The following SLC6A3 variants were observed in gnomAD, a reference collection of about 807,000 sequenced individuals.
The protein encoded by SLC6A3 is solute carrier family 6 member 3.
SLC6A3 carries 19 observed loss-of-function variants against 70.4 expected under a neutral mutation model. The ratio of observed to expected loss-of-function variants is 0.27; its 90% CI spans 0.19 to 0.40. SLC6A3 has a LOEUF of 0.40. SLC6A3 is among the 10% of genes least tolerant of loss of function. The pLI, the probability that SLC6A3 is intolerant of heterozygous loss-of-function variation, is 1.00. For synonymous variants in SLC6A3, 368 were observed against 356.6 expected (o/e 1.03, Z -0.36); for missense variants, 613 against 838.5 (o/e 0.73, Z 3.32).
Position 1,397,668 on chromosome 5 carries a change from C to T in SLC6A3, c.1840-2910G>A, listed in dbSNP as rs557335172. ...AGCCCTGAGCCCACAACAGTGCTTT[C>T]GTGAATGAGAGCAGCATAAAGATGT... On this transcript the variant is annotated intron_variant, in intron 14 of 14. Coordinates refer to ENST00000270349, the MANE Select transcript of SLC6A3 (RefSeq NM_001044.5). This position sits in a 1 kb window ranked among gnomAD's most constrained non-coding sequence, Gnocchi z 4.7. Among the ~76,000 whole-genome samples the T allele has an allele frequency of 4.6e-5, 7 of 152,254 alleles. No individual in the cohort carries two copies. The highest frequency in any genetic ancestry group is 2.1e-4 in the South Asian group (1 of 4,826).
rs28363138 is a variant in SLC6A3 at position 1,402,290 on chromosome 5, G to A, written c.1767+632C>T. ...ACCACAGAGCCAGGGTGTTAAACAG[G>A]GCCCTGTGACTGGTCCACCTGCCTT... On this transcript the variant is annotated intron_variant, in intron 13 of 14. Coordinates refer to ENST00000270349, the MANE Select transcript of SLC6A3 (RefSeq NM_001044.5). This position sits in a 1 kb window ranked among gnomAD's most constrained non-coding sequence, Gnocchi z 8.5. Among the ~76,000 whole-genome samples, 1 of 151,578 alleles carries A rather than the reference G, an allele frequency of 6.6e-6. No individual in the cohort carries two copies. Among genetic ancestry groups the A allele is most frequent in the Non-Finnish European group, 1.5e-5 (1 of 67,936 alleles).
At chr5:1,409,357 C>G (rs1469913296) in intron 10 of SLC6A3, among the ~76,000 whole-genome samples, 1 of 152,198 alleles carries the variant, frequency 6.6e-6, no homozygotes, top group East Asian at 1.9e-4. Context: ...GAAATGGAAG[C>G]AACCGAATGC....
Position 1,406,379 on chromosome 5 carries a change from G to A in SLC6A3, c.1499-91C>T. The stretch of plus-strand genomic sequence containing the variant: ...TGGGGGTCCTCGCTGACTCCCAAGG[G>A]CCCCACCTACCGGCCCCAGGCTTCG... On this transcript the variant is annotated intron_variant, in intron 11 of 14. Transcript: ENST00000270349. The surrounding 1 kb of genome is among the most constrained non-coding windows in gnomAD (Gnocchi z 8.8). The A allele has an allele frequency of 8.9e-7, 1 of 1,125,690 alleles. No individual in the cohort carries two copies. The highest frequency in any genetic ancestry group is 1.4e-6 in the Non-Finnish European group (1 of 737,880). The allele number at this position is 1,125,690 out of a possible 1,614,324, so 69.7% of individuals were successfully genotyped here.
Position 1,406,801 on chromosome 5 carries a change from C to G in SLC6A3, c.1499-513G>C, listed in dbSNP as rs371319988. Among the ~76,000 whole-genome samples, 1 of 149,236 alleles carries G rather than the reference C, an allele frequency of 6.7e-6. No individual in the cohort carries two copies. Among genetic ancestry groups the G allele is most frequent in the Admixed American group, 6.7e-5 (1 of 14,964 alleles). ...GCCCTCATGAAACGCCAACTCCTCC[C>G]GACCCCCAACCCCCGCCAGGCCCCA... On this transcript the variant is annotated intron_variant, in intron 11 of 14. Coordinates refer to ENST00000270349, the MANE Select transcript of SLC6A3 (RefSeq NM_001044.5). This position sits in a 1 kb window ranked among gnomAD's most constrained non-coding sequence, Gnocchi z 8.8.
chr5:1,443,313 C>G, intron 1 of SLC6A3, 71 bp from the exon 2 acceptor site: 3 of 1,247,508 alleles, frequency 2.4e-6, no homozygotes, highest in Non-Finnish European at 3.5e-6. Flanking sequence ...AGGGACATAC[C>G]TGGTGCGGAG....
At chr5:1,428,015 C>G (rs533622607) in intron 4 of SLC6A3, among the ~76,000 whole-genome samples, 2 of 152,022 alleles carry the variant, frequency 1.3e-5, no homozygotes, top group Non-Finnish European at 2.9e-5. Flanking sequence ...GACATTTATG[C>G]AACTTTCCAA....
In SLC6A3 at chr5:1,442,973, G is replaced by T. The variant is rs774198186; in HGVS notation, c.225C>A (p.Gly75=). The T allele has an allele frequency of 2.5e-6, 4 of 1,614,214 alleles. No homozygotes were observed. The South Asian group carries it at 4.4e-5, about 18-fold the overall frequency. Residue 75 remains glycine (G), a synonymous_variant, in exon 2 of 15, where the codon GGC becomes GGA. Coordinates refer to ENST00000270349, the MANE Select transcript of SLC6A3 (RefSeq NM_001044.5). This position sits in a 1 kb window ranked among gnomAD's most constrained non-coding sequence, Gnocchi z 5.0. ...KKIDFLLSVI[G]FAVDLANVWR... ...AGACGTTGGCCAGGTCCACAGCAAA[G>T]CCAATGACGGACAGGAGAAAGTCGA... is the stretch of plus-strand genomic sequence containing the variant.
At chr5:1,429,802 A>G (rs1756653497) in intron 4 of SLC6A3, among the ~76,000 whole-genome samples, 1 of 151,970 alleles carries the variant, frequency 6.6e-6, no homozygotes, top group African/African-American at 2.4e-5. Flanking sequence ...TCACATGCTA[A>G]CCCTGAGAGC....
chr5:1,411,180 G>T lies in SLC6A3; in HGVS notation c.1269+63C>A. 8.6e-7 allele frequency: 1 copy of T among 1,166,678 alleles called. No individual in the cohort carries two copies. 72.3% of individuals were successfully genotyped at this position (1,166,678 alleles called of 1,614,324 possible). On this transcript the variant is annotated intron_variant, in intron 9 of 14. Coordinates refer to ENST00000270349, the MANE Select transcript of SLC6A3 (RefSeq NM_001044.5). This position sits in a 1 kb window ranked among gnomAD's most constrained non-coding sequence, Gnocchi z 6.5. ...ATCTTGCCTAGCCCTGGGAGGGCAG[G>T]GCCCCCTCGGGTGGAAGGAACCCAA...
chr5:1,401,870 T>C lies in SLC6A3; in HGVS notation c.1768-884A>G, dbSNP rs1579700151. Among the ~76,000 whole-genome samples the C allele has an allele frequency of 6.6e-6, 1 of 152,174 alleles. No homozygotes were observed. Among genetic ancestry groups the C allele is most frequent in the Admixed American group, 6.5e-5 (1 of 15,282 alleles). On this transcript the variant is annotated intron_variant, in intron 13 of 14. Coordinates refer to ENST00000270349, the MANE Select transcript of SLC6A3 (RefSeq NM_001044.5). This position sits in a 1 kb window ranked among gnomAD's most constrained non-coding sequence, Gnocchi z 6.1. ...TGCTGGGTCCTGGCAGGTCAGCCCGTGGGGGTCTGAGAGGGACTGTCCACA... is the reference window on the plus strand; with the variant it reads ...TGCTGGGTCCTGGCAGGTCAGCCCGCGGGGGTCTGAGAGGGACTGTCCACA...
intron 6 of SLC6A3, among the ~76,000 whole-genome samples, chr5:1,419,102 C>G (rs1214250292): frequency 6.6e-6 from 1 of 151,712 alleles, no homozygotes; most frequent in African/African-American, 2.4e-5. Flanking sequence ...ACCTATCATT[C>G]ATCCACCCAT....
At chr5:1,431,561 T>A (rs1486382062) in intron 4 of SLC6A3, among the ~76,000 whole-genome samples, 2 of 98,250 alleles carry the variant, frequency 2.0e-5, no homozygotes, top group African/African-American at 8.1e-5. Context: ...CTGGCCGGGG[T>A]GGACGGTGAG....
chr5:1,435,352 G>C lies in SLC6A3; in HGVS notation c.419-2654C>G, dbSNP rs189410487. ...ATGCCCAATTTGAAAATTTTTCAAG[G>C]TTAAAACTTTCTGTATCAAGTCCTT... On this transcript the variant is annotated intron_variant, in intron 3 of 14. Transcript: ENST00000270349. Among the ~76,000 whole-genome samples the C allele has an allele frequency of 2.5e-3, 377 of 152,320 alleles. 1 individual carries two copies. Among genetic ancestry groups the C allele is most frequent in the Non-Finnish European group, 4.1e-3 (281 of 68,024 alleles).
At chr5:1,439,107 G>A (rs940697514) in intron 3 of SLC6A3, among the ~76,000 whole-genome samples, 8 of 152,130 alleles carry the variant, frequency 5.3e-5, no homozygotes, top group Non-Finnish European at 1.0e-4. Context: ...TTTGACACGC[G>A]CCCCTGTCTG....
chr5:1,426,385 A>T (rs193288013), intron 4 of SLC6A3, among the ~76,000 whole-genome samples: 145 of 152,260 alleles, frequency 9.5e-4, no homozygotes, highest in African/African-American at 3.2e-3. Flanking sequence ...AAAAAATTTT[A>T]AAAAATTAGC....
At position 1,394,835 on chromosome 5, in the gene SLC6A3, G is replaced by T; in HGVS notation, c.1840-77C>A. On this transcript the variant is annotated intron_variant, in intron 14 of 14. Coordinates refer to ENST00000270349, the MANE Select transcript of SLC6A3 (RefSeq NM_001044.5). This position sits in a 1 kb window ranked among gnomAD's most constrained non-coding sequence, Gnocchi z 4.7. ...GAGCAGCTGAAGGTGGCTAAGAGCA[G>T]CTGAAGGCAGTGAGCAGACAGTTTG... is the stretch of plus-strand genomic sequence containing the variant. The T allele has an allele frequency of 6.6e-7, 1 of 1,517,220 alleles. No homozygotes were observed. The highest frequency in any genetic ancestry group is 9.1e-7 in the Non-Finnish European group (1 of 1,093,120). The allele number at this position is 1,517,220 out of a possible 1,614,324, so 94.0% of individuals were successfully genotyped here.
Position 1,406,228 on chromosome 5 carries a change from C to A in SLC6A3, c.1559G>T (p.Trp520Leu). The change falls in exon 12 of 15, where the codon TGG (tryptophan) becomes TTG (leucine). Residue 520 changes from tryptophan (W) to leucine (L), a missense_variant. Trp to Leu is a moderately conservative substitution (Grantham distance 61, BLOSUM62 -2). Around this residue, in one of 4 missense-constraint regions of SLC6A3, gnomAD observed 348 missense variants for 481.2 expected, o/e 0.72. Coordinates refer to ENST00000270349, the MANE Select transcript of SLC6A3 (RefSeq NM_001044.5). The surrounding 1 kb of genome is among the most constrained non-coding windows in gnomAD (Gnocchi z 8.8). ...QMTGQRPSLY[W>L]RLCWKLVSPC... ...GCTGACCAGCTTCCAGCACAGCCGC[C>A]AGTACAGGCTGGGCCGCTGCCCGGT... The A allele has an allele frequency of 1.2e-6, 2 of 1,612,984 alleles. No individual in the cohort carries two copies. The highest frequency in any genetic ancestry group is 1.7e-6 in the Non-Finnish European group (2 of 1,179,982).
At chr5:1,431,656 G>A (rs1453080463) in intron 4 of SLC6A3, among the ~76,000 whole-genome samples, 1 of 151,684 alleles carries the variant, frequency 6.6e-6, no homozygotes, top group Non-Finnish European at 1.5e-5. Context: ...GGTGGACAGT[G>A]AGCGAGGGGC....
rs1351512047 is a variant in SLC6A3, at chr5:1,396,129, A to G, written c.1840-1371T>C. On this transcript the variant is annotated intron_variant, in intron 14 of 14. Coordinates refer to ENST00000270349, the MANE Select transcript of SLC6A3 (RefSeq NM_001044.5). This position sits in a 1 kb window ranked among gnomAD's most constrained non-coding sequence, Gnocchi z 7.0. ...CACGCAGCTTCCAGAGATGAAGTAG[A>G]AAAGAGAATGGCTGGGCTGCAGACC... 3.3e-5 allele frequency among the ~76,000 whole-genome samples: 5 copies of G among 152,176 alleles called. No homozygotes were observed. The highest frequency in any genetic ancestry group is 7.4e-5 in the Non-Finnish European group (5 of 68,026).
Sources: gnomAD v4.1 joint callset for allele counts (sites outside exome capture counted in the v4.1 genomes callset) on GRCh38, gnomAD v4.1.1 for gene constraint, gnomAD v4.1.1 regional missense constraint, Gnocchi (gnomAD v3.1) non-coding constraint, MANE v1.5 for transcripts, NCBI Gene and HGNC (gene_info 2026-07-23, HGNC 2026-07-21) for gene names.